HTR1E: variants seen among roughly 807,000 people sequenced by gnomAD.
The protein encoded by HTR1E is 5-hydroxytryptamine receptor 1E.
Under a neutral mutation model 3.4 loss-of-function variants are expected in HTR1E, and 3 were observed. The ratio of observed to expected loss-of-function variants is 0.89; its 90% CI spans 0.41 to 2.31. The LOEUF (loss-of-function observed/expected upper bound fraction) is 2.31. Among genes scored for constraint, HTR1E ranks in the 30% most tolerant of loss-of-function variants. HTR1E has a pLI of 0.05. For synonymous variants in HTR1E, 170 were observed against 182.8 expected, an observed-to-expected ratio of 0.93 and a Z score of 0.56; for missense variants, 392 against 467.0, an observed-to-expected ratio of 0.84 and a Z score of 1.48.
intron 1 of HTR1E, among the ~76,000 whole-genome samples, chr6:86,973,117 G>T (rs1343903582): frequency 1.3e-5 from 2 of 152,134 alleles, no homozygotes; most frequent in African/African-American, 4.8e-5. Context: ...TTAGTAGGAG[G>T]ATTTACTTTC....
chr6:86,970,634 C>T (rs1239288891), intron 1 of HTR1E: 1 of 158,222 alleles, frequency 6.3e-6, no homozygotes, highest in Admixed American at 6.5e-5. Context: ...GAAATATACA[C>T]AGATGGACAG....
intron 1 of HTR1E, among the ~76,000 whole-genome samples, chr6:86,954,806 T>G (rs998196130): frequency 6.6e-6 from 1 of 152,236 alleles, no homozygotes; most frequent in Admixed American, 6.5e-5. Context: ...TAGATACTCT[T>G]AATTCTTCTA....
chr6:86,995,961 C>T (rs1582277437), intron 1 of HTR1E, among the ~76,000 whole-genome samples: 3 of 151,642 alleles, frequency 2.0e-5, no homozygotes, highest in Admixed American at 2.0e-4. Context: ...AAAATAGCAC[C>T]TGCAAAATAC....
chr6:86,951,456 C>A (rs1582257364), intron 1 of HTR1E, among the ~76,000 whole-genome samples: 1 of 152,174 alleles, frequency 6.6e-6, no homozygotes, highest in Admixed American at 6.6e-5. Flanking sequence ...TATGCATCAT[C>A]AGTAAATCTA....
intron 1 of HTR1E, among the ~76,000 whole-genome samples, chr6:86,957,336 T>A (rs1767340724): frequency 6.6e-6 from 1 of 152,268 alleles, no homozygotes; most frequent in African/African-American, 2.4e-5. Flanking sequence ...AAGAAGAATT[T>A]TTTATTTTAA....
At chr6:87,010,678 A>G (rs1768214701) in intron 1 of HTR1E, among the ~76,000 whole-genome samples, 1 of 145,836 alleles carries the variant, frequency 6.9e-6, no homozygotes, top group Admixed American at 6.8e-5. Flanking sequence ...GCAGCCAGGC[A>G]GAGGGGCTCC....
intron 1 of HTR1E, among the ~76,000 whole-genome samples, chr6:86,998,426 G>A (rs1412545824): frequency 1.3e-5 from 2 of 152,036 alleles, no homozygotes; most frequent in East Asian, 1.9e-4. Context: ...AGTTTTGAAA[G>A]AATCTATAAA....
At chr6:86,952,109 T>G (rs567038869) in intron 1 of HTR1E, among the ~76,000 whole-genome samples, 135 of 152,318 alleles carry the variant, frequency 8.9e-4, no homozygotes, top group African/African-American at 3.1e-3. Context: ...GAGCTAGAGT[T>G]AGCTACTAGG....
chr6:86,994,667 T>C (rs1395214987), intron 1 of HTR1E, among the ~76,000 whole-genome samples: 1 of 152,014 alleles, frequency 6.6e-6, no homozygotes, highest in Non-Finnish European at 1.5e-5. Flanking sequence ...TCTTAGACCA[T>C]CAGGAAAAAA....
intron 1 of HTR1E, among the ~76,000 whole-genome samples, chr6:87,012,328 A>G (rs1290508941): frequency 6.6e-6 from 1 of 152,212 alleles, no homozygotes. Flanking sequence ...TCTCACTTAT[A>G]ACCGGGAGCT....
intron 1 of HTR1E, among the ~76,000 whole-genome samples, chr6:86,939,016 T>G (rs1257238606): frequency 6.6e-6 from 1 of 152,190 alleles, no homozygotes; most frequent in African/African-American, 2.4e-5. Context: ...TGATTCCCTG[T>G]GCGGTCTCCT....
intron 1 of HTR1E, chr6:86,971,159 C>T (rs528750339): frequency 4.6e-5 from 23 of 501,056 alleles, no homozygotes; most frequent in Admixed American, 8.1e-5. Flanking sequence ...ACAGAGAAGA[C>T]CAGATCAACA....
In HTR1E at chr6:86,946,109, A is replaced by T. The variant is rs189810662; in HGVS notation, c.-186+8286A>T. Among the ~76,000 whole-genome samples, 19 of 152,316 alleles carry T rather than the reference A, an allele frequency of 1.2e-4. No homozygotes were observed. The East Asian group carries it at 3.7e-3, about 29-fold the overall frequency. On this transcript the variant is annotated intron_variant, in intron 1 of 1. Coordinates refer to ENST00000305344, the MANE Select transcript of HTR1E (RefSeq NM_000865.3). The stretch of plus-strand genomic sequence containing the variant: ...TAACTTATTATTGGAGAGAGAAAAA[A>T]TGGTTTTTACAAATTAGGTATAGCT...
At chr6:86,990,570 T>A (rs995304991) in intron 1 of HTR1E, among the ~76,000 whole-genome samples, 2 of 152,168 alleles carry the variant, frequency 1.3e-5, no homozygotes, top group Admixed American at 6.6e-5. Flanking sequence ...AATAACCTAG[T>A]ATTGGATTAT....
intron 1 of HTR1E, among the ~76,000 whole-genome samples, chr6:86,996,530 A>G (rs373225031): frequency 4.6e-5 from 7 of 152,166 alleles, no homozygotes; most frequent in African/African-American, 1.7e-4. Context: ...CAGTAATATC[A>G]GTAAAATGTT....
intron 1 of HTR1E, among the ~76,000 whole-genome samples, chr6:87,008,463 G>C (rs1768150970): frequency 6.6e-6 from 1 of 152,216 alleles, no homozygotes; most frequent in Admixed American, 6.5e-5. Flanking sequence ...AAGTAATTTG[G>C]GCAAAATGAG....
chr6:86,975,196 A>G (rs926098078), intron 1 of HTR1E, among the ~76,000 whole-genome samples: 3 of 152,224 alleles, frequency 2.0e-5, no homozygotes, highest in African/African-American at 7.2e-5. Context: ...ACTGAAAATC[A>G]TGAGTTCACA....
chr6:86,989,040 CG>C (rs1352086678), intron 1 of HTR1E, among the ~76,000 whole-genome samples: 1 of 152,004 alleles, frequency 6.6e-6, no homozygotes, highest in Non-Finnish European at 1.5e-5. Flanking sequence ...ATTAACAACA[CG>C]TTTTTAAATA....
intron 1 of HTR1E, among the ~76,000 whole-genome samples, chr6:86,995,665 C>CAAAA (rs60134206): frequency 1.1e-3 from 39 of 36,666 alleles, no homozygotes; most frequent in African/African-American, 1.9e-3. Flanking sequence ...GACTCCATCT[C>CAAAA]AAAAAAAAAA....
Sources: gnomAD v4.1 joint callset for allele counts (sites outside exome capture counted in the v4.1 genomes callset) on GRCh38, gnomAD v4.1.1 for gene constraint, MANE v1.5 for transcripts, NCBI Gene and HGNC (gene_info 2026-07-23, HGNC 2026-07-21) for gene names.